Variants in TXK observed in about 807,000 individuals in gnomAD.
TXK encodes tyrosine-protein kinase TXK.
In TXK, 60 loss-of-function variants were observed where a neutral mutation model predicts 81.0. The observed-to-expected ratio is 0.74, with a 90% confidence interval of 0.60 to 0.92. TXK has a LOEUF of 0.92. Among genes scored for constraint, TXK ranks in the 40% least tolerant of loss-of-function variants. TXK has a pLI of 0.00. For synonymous variants in TXK, 203 were observed against 210.7 expected, an observed-to-expected ratio of 0.96 and a Z score of 0.32; for missense variants, 581 against 638.3, an observed-to-expected ratio of 0.91 and a Z score of 0.97.
chr4:48,081,788 A>C (rs1239939614), intron 10 of TXK, among the ~76,000 whole-genome samples: 1 of 152,136 alleles, frequency 6.6e-6, no homozygotes, highest in South Asian at 2.1e-4. Context: ...CTCAAATCCA[A>C]CATGTCCAAA....
In TXK at chr4:48,104,956, C is replaced by T; in HGVS notation, c.447-1G>A. The stretch of plus-strand genomic sequence containing the variant: ...TCTGGTAATGTTTCTATGGTACCAC[C>T]TGTAAAAGCAATAAAAATGATTTTT... On this transcript the variant is annotated splice_acceptor_variant, in intron 5 of 14. Coordinates refer to ENST00000264316, the MANE Select transcript of TXK (RefSeq NM_003328.3). LOFTEE classifies it high-confidence loss of function. The T allele has an allele frequency of 6.3e-7, 1 of 1,577,692 alleles. No individual in the cohort carries two copies. Among genetic ancestry groups the T allele is most frequent in the Non-Finnish European group, 8.6e-7 (1 of 1,162,670 alleles).
chr4:48,130,399 A>G (rs761773210), intron 1 of TXK, among the ~76,000 whole-genome samples: 15 of 152,162 alleles, frequency 9.9e-5, no homozygotes, highest in African/African-American at 1.4e-4. Flanking sequence ...ATACACTTCT[A>G]AGCGAATTCC....
intron 6 of TXK, 95 bp downstream of exon 6, chr4:48,104,806 G>C: frequency 2.1e-6 from 2 of 940,656 alleles, no homozygotes; most frequent in Non-Finnish European, 3.2e-6. Context: ...TTTAGAACTA[G>C]AAAAGACAAG....
At chr4:48,103,498 G>A (rs1718282556) in intron 6 of TXK, among the ~76,000 whole-genome samples, 1 of 152,216 alleles carries the variant, frequency 6.6e-6, no homozygotes, top group Non-Finnish European at 1.5e-5. Flanking sequence ...CTATGAAGTA[G>A]GTCTTCATTG....
intron 14 of TXK, among the ~76,000 whole-genome samples, chr4:48,071,152 G>A (rs928097237): frequency 2.0e-5 from 3 of 151,938 alleles, no homozygotes; most frequent in South Asian, 4.2e-4. Context: ...CACCCGCCTC[G>A]GCCTCCCAAA....
At chr4:48,108,853 A>T (rs1718542828) in intron 5 of TXK, among the ~76,000 whole-genome samples, 1 of 152,200 alleles carries the variant, frequency 6.6e-6, no homozygotes, top group South Asian at 2.1e-4. Context: ...CCTTGTCTAA[A>T]CAGGGTAATC....
At chr4:48,112,020 C>T (rs1435613328) in intron 4 of TXK, among the ~76,000 whole-genome samples, 1 of 152,198 alleles carries the variant, frequency 6.6e-6, no homozygotes, top group Non-Finnish European at 1.5e-5. Flanking sequence ...CCTACATTGT[C>T]AGAATTATTA....
chr4:48,072,981 G>C (rs938537274), intron 13 of TXK, among the ~76,000 whole-genome samples: 2 of 152,092 alleles, frequency 1.3e-5, no homozygotes, highest in Non-Finnish European at 2.9e-5. Flanking sequence ...CTGGAGTACA[G>C]TGGCACGATC....
intron 8 of TXK, among the ~76,000 whole-genome samples, chr4:48,091,287 C>T (rs945328823): frequency 1.3e-5 from 2 of 152,124 alleles, no homozygotes; most frequent in South Asian, 4.1e-4. Context: ...GCAGAGGTAA[C>T]GCATGAGATG....
At chr4:48,076,310 C>G in intron 12 of TXK, 92 bp downstream of exon 12, 1 of 959,180 alleles carries the variant, frequency 1.0e-6, no homozygotes, top group Non-Finnish European at 1.5e-6. Context: ...ACACAGCCTG[C>G]AGCATCTTCA....
chr4:48,079,151 C>T (rs890917039), intron 11 of TXK, among the ~76,000 whole-genome samples: 2 of 152,182 alleles, frequency 1.3e-5, no homozygotes, highest in African/African-American at 4.8e-5. Context: ...TGGGCGTAGG[C>T]TAAACTAACT....
intron 1 of TXK, among the ~76,000 whole-genome samples, chr4:48,117,855 G>A (rs920398706): frequency 6.6e-6 from 1 of 152,220 alleles, no homozygotes; most frequent in East Asian, 1.9e-4. Flanking sequence ...CCATTCTTCT[G>A]TTTTATCAAG....
intron 1 of TXK, among the ~76,000 whole-genome samples, chr4:48,119,945 A>C (rs938580806): frequency 6.6e-6 from 1 of 152,160 alleles, no homozygotes; most frequent in East Asian, 1.9e-4. Flanking sequence ...AGTAGGTCAG[A>C]ATAGAGTGTA....
In TXK at chr4:48,067,439, CCT is replaced by C; in HGVS notation, c.*196_*197del. On this transcript the variant is annotated 3_prime_UTR_variant, in exon 15 of 15. Coordinates refer to ENST00000264316, the MANE Select transcript of TXK (RefSeq NM_003328.3). ...ACAGAAAAATAAGAGTGTGCAAATC[CCT>C]CTCACACATAGAAAAACGATTGTGT... 1 of 560,822 alleles carries C rather than the reference CCT, an allele frequency of 1.8e-6. No individual in the cohort carries two copies. The highest frequency in any genetic ancestry group is 3.6e-4 in the Middle Eastern group (1 of 2,786). 34.7% of individuals were successfully genotyped at this position (560,822 alleles called of 1,614,324 possible). A position where few individuals can be genotyped will look rare whatever the true frequency, so the allele number is the denominator to read the frequency against.
chr4:48,095,734 A>C (rs2109437419), intron 6 of TXK, among the ~76,000 whole-genome samples: 1 of 152,284 alleles, frequency 6.6e-6, no homozygotes. Flanking sequence ...GAAAAGCAAA[A>C]GGAACCATAT....
intron 8 of TXK, among the ~76,000 whole-genome samples, chr4:48,092,835 C>G (rs1459242686): frequency 6.6e-6 from 1 of 152,128 alleles, no homozygotes; most frequent in Non-Finnish European, 1.5e-5. Context: ...GGAGGTCGCT[C>G]ATGCCTGGTG....
intron 5 of TXK, among the ~76,000 whole-genome samples, chr4:48,105,624 C>G (rs60450073): frequency 2.0e-5 from 3 of 152,068 alleles, no homozygotes; most frequent in African/African-American, 7.3e-5. Context: ...CCAATACCCA[C>G]CATTACACAA....
intron 6 of TXK, among the ~76,000 whole-genome samples, chr4:48,099,075 T>C (rs1036961073): frequency 6.6e-6 from 1 of 152,154 alleles, no homozygotes; most frequent in African/African-American, 2.4e-5. Flanking sequence ...ATTAAAATTA[T>C]AAAAGAGGAG....
intron 14 of TXK, among the ~76,000 whole-genome samples, chr4:48,068,920 G>A (rs1001339270): frequency 3.9e-5 from 6 of 152,222 alleles, no homozygotes; most frequent in Admixed American, 1.3e-4. Context: ...GGAGCTCTGT[G>A]AGGAGCCTGT....
Sources: allele counts gnomAD v4.1 joint callset (sites outside exome capture counted in the v4.1 genomes callset), GRCh38; gene constraint gnomAD v4.1.1; transcripts MANE v1.5; gene names NCBI Gene and HGNC (gene_info 2026-07-23, HGNC 2026-07-21).